CDV3: variants seen among roughly 807,000 people sequenced by gnomAD.
CDV3 encodes CDV3 homolog, also known as protein CDV3 homolog.
Under a neutral mutation model 24.5 loss-of-function variants are expected in CDV3, and 14 were observed. That is an observed-to-expected ratio of 0.57 (90% CI 0.38 to 0.89). The LOEUF is 0.89. Ranked by LOEUF, CDV3 falls within the 40% of genes least tolerant of loss-of-function variation. The pLI is 0.00. For synonymous variants in CDV3, 114 were observed against 114.1 expected, an observed-to-expected ratio of 1.00 and a Z score of 0.00; for missense variants, 304 against 310.2, an observed-to-expected ratio of 0.98 and a Z score of 0.15.
intron 4 of CDV3, chr3:133,587,099 T>C: frequency 1.2e-6 from 1 of 862,762 alleles, no homozygotes; most frequent in Non-Finnish European, 1.7e-6. Context: ...CCAGTTAATG[T>C]GACTATAGAC....
intron 2 of CDV3, among the ~76,000 whole-genome samples, chr3:133,582,066 T>TA (rs1337444344): frequency 6.6e-6 from 1 of 152,218 alleles, no homozygotes. Flanking sequence ...ATAAATCTGT[T>TA]CTTCTTTCCA....
At chr3:133,587,175 A>G (rs1201370867) in intron 4 of CDV3, 14 of 1,352,656 alleles carry the variant, frequency 1.0e-5, no homozygotes, top group Non-Finnish European at 1.4e-5. Flanking sequence ...CTTAAAATGA[A>G]TGCTACCTGG....
chr3:133,588,485 G>A lies in CDV3; in HGVS notation c.*439G>A. On this transcript the variant is annotated 3_prime_UTR_variant, in exon 5 of 5. Transcript: ENST00000264993. ...TGTGAACCTTGCAACCAGCTCTACT[G>A]GATTCTTATCAGAAATCCTGCATAA... 2.0e-6 allele frequency: 2 copies of A among 988,032 alleles called. No individual in the cohort carries two copies. Among genetic ancestry groups the A allele is most frequent in the Non-Finnish European group, 1.5e-6 (1 of 663,184 alleles). 61.2% of individuals were successfully genotyped at this position (988,032 alleles called of 1,614,324 possible). A position where few individuals can be genotyped will look rare whatever the true frequency, so the allele number is the denominator to read the frequency against.
chr3:133,586,794 G>A, intron 4 of CDV3, 72 bp downstream of exon 4: 1 of 886,866 alleles, frequency 1.1e-6, no homozygotes, highest in Non-Finnish European at 1.9e-6. Context: ...TATAGGGGAT[G>A]TGCATACCCA....
Position 133,574,056 on chromosome 3 carries a change from G to C in CDV3, c.12G>C (p.Thr4=), listed in dbSNP as rs992011478. MAE[T]EERSLDNFFA... ...AGGAGGCCGAGGCCATGGCTGAGAC[G>C]GAGGAGCGGAGCCTGGACAACTTCT... Residue 4 remains threonine (T), a synonymous_variant, in exon 1 of 5, where the codon ACG becomes ACC. Coordinates refer to ENST00000264993, the MANE Select transcript of CDV3 (RefSeq NM_017548.5). 32 of 1,212,502 alleles carry C rather than the reference G, an allele frequency of 2.6e-5. No homozygotes were observed. The highest frequency in any genetic ancestry group is 3.1e-5 in the Non-Finnish European group (29 of 950,732). The allele number at this position is 1,212,502 out of a possible 1,614,324, so 75.1% of individuals were successfully genotyped here.
intron 2 of CDV3, among the ~76,000 whole-genome samples, chr3:133,580,594 T>C (rs1290198447): frequency 6.6e-6 from 1 of 151,982 alleles, no homozygotes; most frequent in Non-Finnish European, 1.5e-5. Flanking sequence ...CCCAGTTACT[T>C]GGTGGGCTGA....
At chr3:133,587,294 T>G (rs1933709929) in intron 4 of CDV3, 1 of 1,265,682 alleles carries the variant, frequency 7.9e-7, no homozygotes, top group South Asian at 3.4e-5. Flanking sequence ...AAATGTGTTT[T>G]TTGGGGTGGC....
At chr3:133,582,947 G>A (rs1933196723) in intron 2 of CDV3, among the ~76,000 whole-genome samples, 1 of 152,118 alleles carries the variant, frequency 6.6e-6, no homozygotes, top group Non-Finnish European at 1.5e-5. Context: ...TGGTAATTTA[G>A]GACATGTAAA....
chr3:133,577,682 G>A (rs529939348), intron 2 of CDV3, among the ~76,000 whole-genome samples: 1 of 152,262 alleles, frequency 6.6e-6, no homozygotes, highest in African/African-American at 2.4e-5. Flanking sequence ...CAATCTTAAA[G>A]TTCTTGACCC....
rs944253542 is a variant in CDV3 at position 133,575,057 on chromosome 3, G to A, written c.259G>A (p.Glu87Lys). 6.2e-7 allele frequency: 1 copy of A among 1,603,782 alleles called. No individual in the cohort carries two copies. The change falls in exon 2 of 5, where the codon GAA (glutamate) becomes AAA (lysine). Residue 87 changes from glutamate to lysine, a missense_variant. By Grantham distance (56) the Glu-to-Lys change is moderately conservative (BLOSUM62 1). Coordinates refer to ENST00000264993, the MANE Select transcript of CDV3 (RefSeq NM_017548.5). Reference sequence around the variant, plus strand: ...TTTACAGGACGAAGATGAATGGAAAGAATTGGAGCAAAAAGAGGTTGATTA... The same window carrying A: ...TTTACAGGACGAAGATGAATGGAAAAAATTGGAGCAAAAAGAGGTTGATTA... ...AVTKDEDEWK[E>K]LEQKEVDYSG...
intron 3 of CDV3, among the ~76,000 whole-genome samples, chr3:133,584,883 G>A (rs940639955): frequency 6.6e-6 from 1 of 152,038 alleles, no homozygotes; most frequent in Non-Finnish European, 1.5e-5. Context: ...ATGGAGTGGG[G>A]GGCAGTTAGG....
Position 133,574,025 on chromosome 3 carries a change from G to A in CDV3, c.-20G>A. The A allele has an allele frequency of 9.0e-7, 1 of 1,113,876 alleles. No homozygotes were observed. Among genetic ancestry groups the A allele is most frequent in the Non-Finnish European group, 1.1e-6 (1 of 897,742 alleles). 69.0% of individuals were successfully genotyped at this position (1,113,876 alleles called of 1,614,324 possible). A position where few individuals can be genotyped will look rare whatever the true frequency, so the allele number is the denominator to read the frequency against. ...CGCCCGCCGCCGGCCCCACCCATCC[G>A]GGTCGAGGAGGCCGAGGCCATGGCT... On this transcript the variant is annotated 5_prime_UTR_variant, in exon 1 of 5. Transcript: ENST00000264993.
chr3:133,574,636 G>A (rs1298006227), intron 1 of CDV3: 6 of 1,025,806 alleles, frequency 5.8e-6, no homozygotes, highest in East Asian at 9.6e-5. Flanking sequence ...CCTCAGCCCA[G>A]TAGTTTGAGC....
rs1265911013 is a variant in CDV3, at chr3:133,588,616, CTGT to C, written c.*575_*577del. ...CTTAAGGAATACTCTCTGTAGTAGG[CTGT>C]TGTTATATTAGACTTCCTGGAACAC... On this transcript the variant is annotated 3_prime_UTR_variant, in exon 5 of 5. Transcript: ENST00000264993. The C allele has an allele frequency of 2.3e-5, 13 of 562,182 alleles. No homozygotes were observed. The highest frequency in any genetic ancestry group is 5.4e-4 in the Middle Eastern group (2 of 3,718). The allele number at this position is 562,182 out of a possible 1,614,324, so 34.8% of individuals were successfully genotyped here.
At chr3:133,575,359 A>C (rs10049438) in intron 2 of CDV3, among the ~76,000 whole-genome samples, 51,873 of 152,052 alleles carry the variant, frequency 0.34, 11,581 homozygotes, top group African/African-American at 0.63. Context: ...TCTGGTTAGG[A>C]CTTTTCATTT....
Position 133,583,980 on chromosome 3 carries a change from A to G in CDV3, c.318-22A>G, listed in dbSNP as rs1933326419. The G allele has an allele frequency of 4.4e-6, 7 of 1,580,520 alleles. No homozygotes were observed. In the East Asian group the frequency reaches 1.3e-4, roughly 30 times the overall value. ...AATTTTCTTGGTGATTCCTTAATGA[A>G]TTTACATCTTTGCTTTTCCAGCAGT... On this transcript the variant is annotated intron_variant, in intron 2 of 4. Coordinates refer to ENST00000264993, the MANE Select transcript of CDV3 (RefSeq NM_017548.5).
rs557016694 is a variant in CDV3, at chr3:133,586,305, C to G, written c.467-258C>G. The stretch of plus-strand genomic sequence containing the variant: ...GAGACAGGGTTTCATCATGTTGGCC[C>G]AGCTGGTCTTGAACTCCTGACCCCA... On this transcript the variant is annotated intron_variant, in intron 3 of 4. Transcript: ENST00000264993. 2.5e-4 allele frequency among the ~76,000 whole-genome samples: 38 copies of G among 151,998 alleles called. No individual in the cohort carries two copies. In the South Asian group the frequency reaches 6.7e-3, roughly 27 times the overall value.
At position 133,586,733 on chromosome 3, in the gene CDV3, T is replaced by C. The variant is rs1216216122; in HGVS notation, c.626+11T>C. 1 of 1,547,250 alleles carries C rather than the reference T, an allele frequency of 6.5e-7. No individual in the cohort carries two copies. The highest frequency in any genetic ancestry group is 8.9e-7 in the Non-Finnish European group (1 of 1,119,222). ...TGTAGAAAGCCGGAAGTAAGTACTA[T>C]AATTAATTGCATTTTGTTTGGGACT... is the stretch of plus-strand genomic sequence containing the variant. On this transcript the variant is annotated intron_variant, in intron 4 of 4. Transcript: ENST00000264993.
chr3:133,576,194 C>G (rs1005940919), intron 2 of CDV3, among the ~76,000 whole-genome samples: 15 of 152,202 alleles, frequency 9.9e-5, no homozygotes, highest in African/African-American at 3.6e-4. Flanking sequence ...GTGAGCTTAA[C>G]CAAAGTGAAA....
Sources: allele counts gnomAD v4.1 joint callset (sites outside exome capture counted in the v4.1 genomes callset), GRCh38; gene constraint gnomAD v4.1.1; transcripts MANE v1.5; gene names NCBI Gene and HGNC (gene_info 2026-07-23, HGNC 2026-07-21).